Variants in NDUFB2 observed in about 807,000 individuals in gnomAD.
NDUFB2 encodes NADH:ubiquinone oxidoreductase subunit B2, also known as NADH dehydrogenase [ubiquinone] 1 beta subcomplex subunit 2, mitochondrial.
NDUFB2 carries 13 observed loss-of-function variants against 13.4 expected under a neutral mutation model. The ratio of observed to expected loss-of-function variants is 0.97; its 90% CI spans 0.63 to 1.54. The LOEUF (loss-of-function observed/expected upper bound fraction) is 1.54. NDUFB2 is among the 40% of genes most tolerant of loss of function. The pLI, the probability that NDUFB2 is intolerant of heterozygous loss-of-function variation, is 0.00. For synonymous variants in NDUFB2, 47 were observed against 50.6 expected (o/e 0.93, Z 0.30); for missense variants, 150 against 139.7 (o/e 1.07, Z -0.37).
chr7:140,702,858 T>G lies in NDUFB2; in HGVS notation c.99-8T>G. 6.2e-7 allele frequency: 1 copy of G among 1,614,020 alleles called. No individual in the cohort carries two copies. Among genetic ancestry groups the G allele is most frequent in the South Asian group, 1.1e-5 (1 of 91,066 alleles). On this transcript the variant is annotated splice_polypyrimidine_tract_variant and splice_region_variant and intron_variant, in intron 1 of 3. Transcript: ENST00000247866. ...GCACGCTGTCTGCCATGTTGTTTTG[T>G]CTTGCAGTGCCGGTGGTGGTGTGCA...
chr7:140,703,125 C>T, intron 2 of NDUFB2, 115 bp downstream of exon 2: 5 of 1,311,834 alleles, frequency 3.8e-6, no homozygotes, highest in East Asian at 2.3e-5. Context: ...CGCCCTTTGC[C>T]ACCACTTTTT....
chr7:140,706,020 TTTA>T (rs1238157989), intron 3 of NDUFB2: 1 of 150,250 alleles, frequency 6.7e-6, no homozygotes, highest in African/African-American at 2.5e-5. Flanking sequence ...TTTATTTTAT[TTTA>T]TTTTAGTTTG....
intron 1 of NDUFB2, among the ~76,000 whole-genome samples, chr7:140,701,652 A>C (rs966307102): frequency 6.6e-5 from 10 of 151,786 alleles, no homozygotes; most frequent in African/African-American, 2.4e-4. Context: ...CAAACAAAAC[A>C]GCCGGGCACG....
chr7:140,697,514 G>T, intron 1 of NDUFB2: 1 of 439,962 alleles, frequency 2.3e-6, no homozygotes. Context: ...CTGGGGGTGC[G>T]AGGTAGGGAG....
intron 1 of NDUFB2, chr7:140,701,761 C>CG: frequency 3.8e-6 from 1 of 265,400 alleles, no homozygotes; most frequent in South Asian, 9.3e-5. Flanking sequence ...GGGGAAACCC[C>CG]GTCTCTACTA....
chr7:140,701,966 G>A (rs1343032345), intron 1 of NDUFB2: 1 of 684,736 alleles, frequency 1.5e-6, no homozygotes, highest in South Asian at 1.6e-5. Context: ...AACAGTCCTA[G>A]CTAACATGTA....
chr7:140,697,186 G>A (rs1794822192), intron 1 of NDUFB2: 2 of 613,972 alleles, frequency 3.3e-6, no homozygotes, highest in African/African-American at 1.9e-5. Context: ...CGCGGCGGGT[G>A]TGGACGCTCC....
In NDUFB2 at chr7:140,697,432, C is replaced by T. The variant is rs143140181; in HGVS notation, c.98+590C>T. 3.1e-4 allele frequency: 215 copies of T among 701,806 alleles called. 1 individual carries two copies. In the African/African-American group the frequency reaches 3.2e-3, roughly 10 times the overall value. The allele number at this position is 701,806 out of a possible 1,614,324, so 43.5% of individuals were successfully genotyped here. Reference sequence around the variant, plus strand: ...AGCCGGAAGCCAACGCTGGGGCAGCCGTGGCGTTTAGGAGAGTGACAGGCA... The same window carrying T: ...AGCCGGAAGCCAACGCTGGGGCAGCTGTGGCGTTTAGGAGAGTGACAGGCA... On this transcript the variant is annotated intron_variant, in intron 1 of 3. Transcript: ENST00000247866.
At chr7:140,703,113 A>G (rs1794919485) in intron 2 of NDUFB2, 103 bp downstream of exon 2, 4 of 1,440,286 alleles carry the variant, frequency 2.8e-6, no homozygotes, top group South Asian at 2.7e-5. Context: ...CTGTCTGGAC[A>G]TCGCCCTTTG....
chr7:140,702,147 T>C (rs1794906792), intron 1 of NDUFB2: 2 of 650,614 alleles, frequency 3.1e-6, no homozygotes, highest in Admixed American at 2.4e-5. Flanking sequence ...ATAGGAATTC[T>C]CTTAAAAATT....
At chr7:140,698,479 A>G (rs1243083570) in intron 1 of NDUFB2, among the ~76,000 whole-genome samples, 3 of 152,132 alleles carry the variant, frequency 2.0e-5, no homozygotes, top group Non-Finnish European at 2.9e-5. Context: ...TGAAGAGAAT[A>G]CAGCTGGGGA....
chr7:140,703,832 T>C (rs1329998613), intron 2 of NDUFB2, among the ~76,000 whole-genome samples: 1 of 152,194 alleles, frequency 6.6e-6, no homozygotes, highest in East Asian at 1.9e-4. Flanking sequence ...CTTGGCTCAC[T>C]GCAAGCTCCG....
intron 1 of NDUFB2, 162 bp downstream of exon 1, chr7:140,697,004 G>C (rs1794818210): frequency 1.5e-6 from 1 of 659,576 alleles, no homozygotes; most frequent in Admixed American, 2.7e-5. Context: ...CGAGGAGAGG[G>C]ACCCCGCTGG....
intron 1 of NDUFB2, chr7:140,702,538 C>T: frequency 3.6e-6 from 1 of 278,058 alleles, no homozygotes. Context: ...AAGTTAGTGA[C>T]CTGCTAACAA....
chr7:140,701,579 C>T lies in NDUFB2; in HGVS notation c.99-1287C>T, dbSNP rs1055580236. Among the ~76,000 whole-genome samples, 9 of 149,812 alleles carry T rather than the reference C, an allele frequency of 6.0e-5. No individual in the cohort carries two copies. The South Asian group carries it at 1.1e-3, about 18-fold the overall frequency. On this transcript the variant is annotated intron_variant, in intron 1 of 3. Coordinates refer to ENST00000247866, the MANE Select transcript of NDUFB2 (RefSeq NM_004546.3). ...GGAGGTGCTCAGTCAGCAGAAGGAT[C>T]GCTTGAGCTAAGGTCACGCCACTGC...
intron 1 of NDUFB2, chr7:140,701,860 C>T: frequency 4.3e-6 from 2 of 466,394 alleles, no homozygotes; most frequent in Non-Finnish European, 7.7e-6. Flanking sequence ...CGCTTGAACC[C>T]AGGAGGCGGA....
At chr7:140,698,390 G>T in intron 1 of NDUFB2, 1 of 1,186,932 alleles carries the variant, frequency 8.4e-7, no homozygotes. Context: ...AGCAGAATAC[G>T]AGAGAGAATG....
chr7:140,703,652 G>C (rs188242180), intron 2 of NDUFB2, among the ~76,000 whole-genome samples: 83 of 152,262 alleles, frequency 5.5e-4, no homozygotes, highest in Middle Eastern at 3.4e-3. Flanking sequence ...TTTAAATGAT[G>C]AATGTCTTCT....
chr7:140,697,549 C>T (rs765670311), intron 1 of NDUFB2, among the ~76,000 whole-genome samples: 1 of 151,744 alleles, frequency 6.6e-6, no homozygotes, highest in Non-Finnish European at 1.5e-5. Flanking sequence ...GGAGCAGCTG[C>T]CGAAGCCGAG....
Sources: gnomAD v4.1 joint callset for allele counts (sites outside exome capture counted in the v4.1 genomes callset) on GRCh38, gnomAD v4.1.1 for gene constraint, MANE v1.5 for transcripts, NCBI Gene and HGNC (gene_info 2026-07-23, HGNC 2026-07-21) for gene names.